Variants in CD48 observed in about 807,000 individuals in gnomAD.
CD48 encodes CD48 antigen.
Under a neutral mutation model 22.0 loss-of-function variants are expected in CD48, and 20 were observed. That is an observed-to-expected ratio of 0.91 (90% CI 0.64 to 1.32). The LOEUF is 1.32. CD48 is among the 40% of genes most tolerant of loss of function. The pLI is 0.00. For synonymous variants in CD48, 110 were observed against 110.1 expected (o/e 1.00, Z 0.01); for missense variants, 307 against 286.5 (o/e 1.07, Z -0.52).
In CD48 at chr1:160,680,707, C is replaced by G. The variant is rs149082586; in HGVS notation, c.652+495G>C. The G allele has an allele frequency of 6.9e-6, 7 of 1,020,006 alleles. No homozygotes were observed. In the South Asian group the frequency reaches 2.0e-4, roughly 29 times the overall value. 63.2% of individuals were successfully genotyped at this position (1,020,006 alleles called of 1,614,324 possible). A position where few individuals can be genotyped will look rare whatever the true frequency, so the allele number is the denominator to read the frequency against. On this transcript the variant is annotated intron_variant, in intron 3 of 3. Transcript: ENST00000368046. ...GCTTCGCCTGAGGCTCAGGCTCTCACGCCTCCTCGACGGCCTCTCTCAGGC... is the reference window on the plus strand; with the variant it reads ...GCTTCGCCTGAGGCTCAGGCTCTCAGGCCTCCTCGACGGCCTCTCTCAGGC...
At chr1:160,697,100 T>A (rs1662454813) in intron 1 of CD48, among the ~76,000 whole-genome samples, 1 of 152,146 alleles carries the variant, frequency 6.6e-6, no homozygotes, top group African/African-American at 2.4e-5. Flanking sequence ...GACTACTACT[T>A]CTGCAGAACA....
intron 1 of CD48, among the ~76,000 whole-genome samples, chr1:160,693,274 A>C (rs893616032): frequency 4.6e-5 from 7 of 152,284 alleles, no homozygotes; most frequent in Non-Finnish European, 8.8e-5. Context: ...ATGTTGCTCA[A>C]AAGTCAATTG....
At chr1:160,691,006 T>C (rs1432767702) in intron 1 of CD48, among the ~76,000 whole-genome samples, 1 of 152,202 alleles carries the variant, frequency 6.6e-6, no homozygotes, top group Non-Finnish European at 1.5e-5. Context: ...GTTAAACAGA[T>C]GCTTGAAGGC....
intron 1 of CD48, chr1:160,686,665 T>G (rs1358817525): frequency 6.6e-6 from 1 of 152,188 alleles, no homozygotes; most frequent in East Asian, 1.9e-4. Context: ...ATTTTAAAGC[T>G]GAGCATCTGG....
chr1:160,684,627 A>T lies in CD48; in HGVS notation c.385+260T>A, dbSNP rs185324820. Reference sequence around the variant, plus strand: ...GGACAAAATGAAGGAAATAGGAAAAATCTCTAGTTTTCCTTCTCTTCAAAG... The same window carrying T: ...GGACAAAATGAAGGAAATAGGAAAATTCTCTAGTTTTCCTTCTCTTCAAAG... On this transcript the variant is annotated intron_variant, in intron 2 of 3. Coordinates refer to ENST00000368046, the MANE Select transcript of CD48 (RefSeq NM_001778.4). 7.7e-3 allele frequency: 8,774 copies of T among 1,140,958 alleles called. 65 individuals carry two copies. The highest frequency in any genetic ancestry group is 0.022 in the South Asian group (1,283 of 58,966). The allele number at this position is 1,140,958 out of a possible 1,614,324, so 70.7% of individuals were successfully genotyped here.
chr1:160,707,183 G>A (rs1317205596), intron 1 of CD48, among the ~76,000 whole-genome samples: 1 of 152,172 alleles, frequency 6.6e-6, no homozygotes, highest in Non-Finnish European at 1.5e-5. Context: ...GAACTATAAT[G>A]AGTTCAGTGG....
At chr1:160,692,548 C>T (rs1249046152) in intron 1 of CD48, among the ~76,000 whole-genome samples, 2 of 151,976 alleles carry the variant, frequency 1.3e-5, no homozygotes, top group South Asian at 2.1e-4. Flanking sequence ...ACTTCAGTAT[C>T]GGCCACCCCC....
intron 1 of CD48, among the ~76,000 whole-genome samples, chr1:160,709,610 CA>C (rs1163795141): frequency 1.3e-5 from 2 of 152,074 alleles, no homozygotes; most frequent in African/African-American, 4.8e-5. Flanking sequence ...GCCTTGAAAC[CA>C]AAGAACTGAG....
chr1:160,681,662 C>T (rs752789509), intron 2 of CD48, among the ~76,000 whole-genome samples, 194 bp from the exon 3 acceptor site: 11 of 152,192 alleles, frequency 7.2e-5, no homozygotes, highest in Admixed American at 1.3e-4. Context: ...ACTGCAAGAG[C>T]GGCTTCTAGG....
chr1:160,706,773 A>T (rs57573863), intron 1 of CD48, among the ~76,000 whole-genome samples: 5,309 of 152,242 alleles, frequency 0.035, 130 homozygotes, highest in African/African-American at 0.07. Flanking sequence ...CCATGTTTCT[A>T]GTCTGTAGAA....
At chr1:160,689,563 G>A (rs941144754) in intron 1 of CD48, among the ~76,000 whole-genome samples, 1 of 152,160 alleles carries the variant, frequency 6.6e-6, no homozygotes, top group African/African-American at 2.4e-5. Context: ...TTTTAGGTTT[G>A]TAAGGAGAAA....
chr1:160,685,600 C>G (rs1163765711), intron 1 of CD48, among the ~76,000 whole-genome samples: 2 of 152,118 alleles, frequency 1.3e-5, no homozygotes, highest in Non-Finnish European at 2.9e-5. Flanking sequence ...GAGGCATAGA[C>G]ATAAAAAGTA....
chr1:160,684,799 A>G lies in CD48; in HGVS notation c.385+88T>C, dbSNP rs181604530. 34 of 1,613,786 alleles carry G rather than the reference A, an allele frequency of 2.1e-5. No individual in the cohort carries two copies. The Admixed American group carries it at 2.5e-4, about 12-fold the overall frequency. ...TGAGGTTTTTCTCTCCTCCTCCCCG[A>G]GAGTGCCCCATGCCTCCCAGGAAGC... On this transcript the variant is annotated intron_variant, in intron 2 of 3. Transcript: ENST00000368046.
Position 160,681,351 on chromosome 1 carries a change from TC to T in CD48, c.502del (p.Asp168ThrfsTer35). 2.5e-6 allele frequency: 4 copies of T among 1,614,176 alleles called. No individual in the cohort carries two copies. The highest frequency in any genetic ancestry group is 3.4e-6 in the Non-Finnish European group (4 of 1,180,038). ...GESVNYTWYGDKRPFPKELQN... is the reference protein window; with the variant it reads ...GESVNYTWYGXKRPFPKELQN... ...GAGCTCCTTTGGGAAGGGCCTTTTG[TC>T]CCCATACCAGGTGTAGTTTACAGAC... On this transcript the variant is annotated frameshift_variant, in exon 3 of 4. Transcript: ENST00000368046. LOFTEE classifies it high-confidence loss of function.
intron 1 of CD48, among the ~76,000 whole-genome samples, chr1:160,704,854 G>C (rs779620957): frequency 1.2e-4 from 18 of 151,968 alleles, no homozygotes; most frequent in Non-Finnish European, 2.2e-4. Flanking sequence ...AACCTGGTTT[G>C]GTTAAGATAA....
chr1:160,686,734 G>T, intron 1 of CD48: 1 of 152,146 alleles, frequency 6.6e-6, no homozygotes, highest in East Asian at 1.9e-4. Flanking sequence ...AAACCAGCAA[G>T]TTTTTATTAG....
intron 1 of CD48, among the ~76,000 whole-genome samples, chr1:160,694,797 A>C (rs1412459023): frequency 6.6e-6 from 1 of 152,174 alleles, no homozygotes; most frequent in Non-Finnish European, 1.5e-5. Context: ...CCATACCGTT[A>C]ACTTGGAAAA....
chr1:160,679,196 G>T (rs1661711778), intron 3 of CD48, 65 bp from the exon 4 acceptor site: 2 of 1,287,944 alleles, frequency 1.6e-6, no homozygotes, highest in African/African-American at 2.9e-5. Context: ...TTGAGAAGGG[G>T]CAAGTGTACT....
chr1:160,708,506 C>T (rs1472572646), intron 1 of CD48, among the ~76,000 whole-genome samples: 1 of 152,042 alleles, frequency 6.6e-6, no homozygotes, highest in Non-Finnish European at 1.5e-5. Context: ...GTGGCTTGAT[C>T]TGAGATAGGT....
Sources: allele counts gnomAD v4.1 joint callset (sites outside exome capture counted in the v4.1 genomes callset), GRCh38; gene constraint gnomAD v4.1.1; transcripts MANE v1.5; gene names NCBI Gene and HGNC (gene_info 2026-07-23, HGNC 2026-07-21).